Variants in KLRG1 observed in about 807,000 individuals in gnomAD.
KLRG1 encodes killer cell lectin like receptor G1, also known as killer cell lectin-like receptor subfamily G member 1.
In KLRG1, 16 loss-of-function variants were observed where a neutral mutation model predicts 21.8. The observed-to-expected ratio is 0.73, with a 90% CI of 0.50 to 1.11. KLRG1 has a LOEUF of 1.11. Among genes scored for constraint, KLRG1 ranks in the 50% most tolerant of loss-of-function variants. The probability of loss-of-function intolerance (pLI) is 0.00; values close to 1 mark genes in which losing one functional copy is unlikely to be tolerated. For missense variants in KLRG1, 173 were observed against 218.3 expected (o/e 0.79, Z 1.31); for synonymous variants, 69 against 75.9 (o/e 0.91, Z 0.47).
the KLRG1 span, chr12:9,064,516 G>T: frequency 6.4e-6 from 1 of 155,556 alleles, no homozygotes; most frequent in East Asian, 1.9e-4. The surrounding 1 kb of genome is among the most constrained non-coding windows in gnomAD (Gnocchi z 4.0). Context: ...CACCGCTCCG[G>T]ACCCTGGCCC....
the KLRG1 span, among the ~76,000 whole-genome samples, chr12:9,174,328 C>T: frequency 6.6e-6 from 1 of 151,770 alleles, no homozygotes; most frequent in Non-Finnish European, 1.5e-5. Context: ...GAACATACCT[C>T]ATAAGAGCCA....
chr12:9,012,136 G>A (rs1292746465), downstream of KLRG1, among the ~76,000 whole-genome samples: 1 of 152,224 alleles, frequency 6.6e-6, no homozygotes, highest in African/African-American at 2.4e-5. Flanking sequence ...TGAAACACCA[G>A]CTGGGTGGCC....
the KLRG1 span, among the ~76,000 whole-genome samples, chr12:9,054,447 TGGATACATAATA>T: frequency 6.6e-6 from 1 of 152,304 alleles, no homozygotes; most frequent in Admixed American, 6.5e-5. Context: ...TTAATTTTTA[TGGATACATAATA>T]GTTGCATGTA....
chr12:9,058,656 T>C, the KLRG1 span: 1 of 152,504 alleles, frequency 6.6e-6, no homozygotes, highest in Non-Finnish European at 1.5e-5. Flanking sequence ...GGAATGAGGA[T>C]GTAAAATATC....
chr12:9,153,236 T>C, the KLRG1 span: 42 of 1,614,172 alleles, frequency 2.6e-5, no homozygotes, highest in African/African-American at 2.9e-4. Flanking sequence ...CTTGGAAATT[T>C]GTAGAAAAGG....
At chr12:9,062,822 A>G in the KLRG1 span, among the ~76,000 whole-genome samples, 10 of 150,210 alleles carry the variant, frequency 6.7e-5, no homozygotes, top group East Asian at 1.9e-4. Flanking sequence ...GTGATTTTTT[A>G]TACAATATAT....
the KLRG1 span, among the ~76,000 whole-genome samples, chr12:9,022,657 G>A: frequency 2.0e-5 from 3 of 152,066 alleles, no homozygotes; most frequent in Admixed American, 6.6e-5. Context: ...TCAACTCCAG[G>A]GATGTTGAAG....
chr12:9,212,375 T>C, the KLRG1 span, among the ~76,000 whole-genome samples: 1 of 152,252 alleles, frequency 6.6e-6, no homozygotes, highest in Non-Finnish European at 1.5e-5. Flanking sequence ...GCAAGACTGC[T>C]CTTAGACTGC....
At chr12:9,136,618 G>A in the KLRG1 span, among the ~76,000 whole-genome samples, 2 of 152,080 alleles carry the variant, frequency 1.3e-5, no homozygotes. Context: ...TGTTTCCATA[G>A]CAGTTGCACC....
intron 4 of KLRG1, 71 bp downstream of exon 4, chr12:9,009,146 AATAG>A (rs1947566201): frequency 1.7e-6 from 2 of 1,201,966 alleles, no homozygotes; most frequent in Non-Finnish European, 2.4e-6. Context: ...ATACTTGGGG[AATAG>A]ATAAAGAAGA....
chr12:9,108,238 G>C, the KLRG1 span, among the ~76,000 whole-genome samples: 1 of 152,088 alleles, frequency 6.6e-6, no homozygotes, highest in South Asian at 2.1e-4. Context: ...CCATTCTCCT[G>C]CCTCAGCTTC....
chr12:9,002,192 A>T (rs1947325346), intron 3 of KLRG1, among the ~76,000 whole-genome samples: 2 of 152,190 alleles, frequency 1.3e-5, no homozygotes, highest in Non-Finnish European at 2.9e-5. Flanking sequence ...ATAAGATTTT[A>T]TAGTTTTGAT....
the KLRG1 span, among the ~76,000 whole-genome samples, chr12:9,190,163 A>T: frequency 6.6e-6 from 1 of 152,202 alleles, no homozygotes; most frequent in Admixed American, 6.5e-5. Context: ...AAGGAATATA[A>T]ATTGTTCTGT....
At chr12:9,144,063 G>A in the KLRG1 span, among the ~76,000 whole-genome samples, 1 of 152,208 alleles carries the variant, frequency 6.6e-6, no homozygotes, top group Non-Finnish European at 1.5e-5. Context: ...CCATGAGAAA[G>A]TCAGGGGAAG....
the KLRG1 span, chr12:9,107,381 T>C: frequency 9.8e-7 from 1 of 1,015,740 alleles, no homozygotes; most frequent in Non-Finnish European, 1.4e-6. Context: ...GCTAAGTTCA[T>C]GATTTTTTTT....
At chr12:9,084,185 A>ACTGAAGGGAGTTCTTTAAG in the KLRG1 span, among the ~76,000 whole-genome samples, 2 of 152,298 alleles carry the variant, frequency 1.3e-5, no homozygotes, top group South Asian at 4.2e-4. Context: ...TTCAGGAATT[A>ACTGAAGGGAGTTCTTTAAG]CTGAAGGGAG....
chr12:9,156,605 A>G, the KLRG1 span, among the ~76,000 whole-genome samples: 4 of 152,144 alleles, frequency 2.6e-5, no homozygotes, highest in African/African-American at 4.8e-5. Context: ...AAATGAATCT[A>G]TTTGTCTATT....
chr12:9,208,133 T>C, the KLRG1 span: 1 of 663,294 alleles, frequency 1.5e-6, no homozygotes, highest in Non-Finnish European at 2.7e-6. Flanking sequence ...TTAACTGGAA[T>C]AATTTCTTAT....
the KLRG1 span, among the ~76,000 whole-genome samples, chr12:9,053,148 G>C: frequency 3.9e-5 from 6 of 152,048 alleles, no homozygotes; most frequent in Non-Finnish European, 7.4e-5. Flanking sequence ...CATTAGGTTC[G>C]TTGGCACATC....
Sources: allele counts gnomAD v4.1 joint callset (sites outside exome capture counted in the v4.1 genomes callset), GRCh38; gene constraint gnomAD v4.1.1; non-coding constraint Gnocchi (gnomAD v3.1); transcripts MANE v1.5; gene names NCBI Gene and HGNC (gene_info 2026-07-23, HGNC 2026-07-21).